Variants in SORCS3 observed in about 807,000 individuals in gnomAD.
SORCS3 encodes sortilin related VPS10 domain containing receptor 3.
In SORCS3, 57 loss-of-function variants were observed where a neutral mutation model predicts 146.3. The ratio of observed to expected loss-of-function variants is 0.39; its 90% CI spans 0.31 to 0.49. The LOEUF (loss-of-function observed/expected upper bound fraction) is 0.49, where lower values mean the gene tolerates loss of function less well. Among genes scored for constraint, SORCS3 ranks in the 20% least tolerant of loss-of-function variants. The probability of loss-of-function intolerance (pLI) is 0.92; values close to 1 mark genes in which losing one functional copy is unlikely to be tolerated. For missense variants in SORCS3, 1,341 were observed against 1,575.5 expected (o/e 0.85, Z 2.52); for synonymous variants, 653 against 618.5 (o/e 1.06, Z -0.83).
chr10:105,043,188 C>A, intron 5 of SORCS3, 60 bp downstream of exon 5: 1 of 1,405,716 alleles, frequency 7.1e-7, no homozygotes, highest in Non-Finnish European at 1.0e-6. Context: ...CAGCGTAGCA[C>A]TCTAGACAGC....
chr10:104,954,788 T>A (rs2019469742), intron 3 of SORCS3, among the ~76,000 whole-genome samples: 2 of 152,164 alleles, frequency 1.3e-5, no homozygotes, highest in African/African-American at 4.8e-5. Context: ...GATTGACTGT[T>A]ATTATTATTT....
At chr10:105,147,924 G>A in intron 9 of SORCS3, 128 bp downstream of exon 9, 1 of 717,348 alleles carries the variant, frequency 1.4e-6, no homozygotes, top group Non-Finnish European at 2.2e-6. Context: ...GTATGACTTT[G>A]GGCAAGGGAC....
chr10:105,125,738 T>C (rs1458053261), intron 7 of SORCS3, among the ~76,000 whole-genome samples: 3 of 143,416 alleles, frequency 2.1e-5, no homozygotes, highest in African/African-American at 8.3e-5. Flanking sequence ...CTGAAGATAC[T>C]GCTTGAAGAA....
chr10:104,956,922 G>A (rs925617479), intron 3 of SORCS3, among the ~76,000 whole-genome samples: 6 of 152,150 alleles, frequency 3.9e-5, no homozygotes, highest in African/African-American at 1.4e-4. Context: ...TAGTGAGTGT[G>A]GCTGGGATCC....
At chr10:105,080,001 A>C (rs546007278) in intron 5 of SORCS3, among the ~76,000 whole-genome samples, 12 of 152,280 alleles carry the variant, frequency 7.9e-5, no homozygotes, top group Admixed American at 2.6e-4. Flanking sequence ...GCTATTGTGA[A>C]TAGTGCTGCA....
chr10:104,919,770 A>G (rs555906622), intron 3 of SORCS3, among the ~76,000 whole-genome samples: 55 of 152,292 alleles, frequency 3.6e-4, no homozygotes, highest in African/African-American at 1.3e-3. Context: ...AAAAAATGAA[A>G]TTGGATTCAT....
intron 2 of SORCS3, among the ~76,000 whole-genome samples, chr10:104,864,932 T>C (rs927398090): frequency 1.3e-5 from 2 of 152,162 alleles, no homozygotes; most frequent in African/African-American, 4.8e-5. Context: ...TCTGGTCTTT[T>C]TTATCTTTTG....
At chr10:104,751,924 CATAT>C (rs71482435) in intron 1 of SORCS3, among the ~76,000 whole-genome samples, 1,442 of 38,102 alleles carry the variant, frequency 0.038, 13 homozygotes, top group Middle Eastern at 0.11. Flanking sequence ...TAATAGGAAG[CATAT>C]ATATATATAT....
chr10:105,063,562 A>C (rs1021947027), intron 5 of SORCS3, among the ~76,000 whole-genome samples: 1 of 152,224 alleles, frequency 6.6e-6, no homozygotes, highest in Admixed American at 6.5e-5. Context: ...CTTGTGAGAT[A>C]AGGTGTGATG....
At chr10:105,246,317 C>T (rs986280250) in intron 21 of SORCS3, among the ~76,000 whole-genome samples, 29 of 151,996 alleles carry the variant, frequency 1.9e-4, no homozygotes, top group Admixed American at 7.9e-4. Flanking sequence ...GTTTTCTTTT[C>T]TTTTCTTTTT....
At chr10:104,781,605 AACAAAACCAC>A (rs1311744996) in intron 1 of SORCS3, among the ~76,000 whole-genome samples, 6 of 152,366 alleles carry the variant, frequency 3.9e-5, no homozygotes, top group African/African-American at 1.4e-4. Flanking sequence ...CTTTTCAAGA[AACAAAACCAC>A]ACAGAACAAA....
intron 13 of SORCS3, among the ~76,000 whole-genome samples, chr10:105,173,231 G>A (rs1251187669): frequency 2.0e-5 from 3 of 152,026 alleles, no homozygotes; most frequent in Non-Finnish European, 4.4e-5. Flanking sequence ...ATAATCGCTT[G>A]AACCCAGGAG....
rs1491120869 is a variant in SORCS3, at chr10:104,696,588, T to TTA, written c.627+54639_627+54640dup. ...ATACGTATATAATATATAATATATA[T>TTA]TATATACGTATATATTATATATAAT... is the stretch of plus-strand genomic sequence containing the variant. On this transcript the variant is annotated intron_variant, in intron 1 of 26. Coordinates refer to ENST00000369701, the MANE Select transcript of SORCS3 (RefSeq NM_014978.3). Among the ~76,000 whole-genome samples, 591 of 95,622 alleles carry TTA rather than the reference T, an allele frequency of 6.2e-3. 74 individuals are homozygous for TTA. Among genetic ancestry groups the TTA allele is most frequent in the Non-Finnish European group, 9.2e-3 (478 of 52,000 alleles). 62.7% of individuals were successfully genotyped at this position (95,622 alleles called of 152,430 possible).
rs148038949 is a variant in SORCS3 at position 105,073,753 on chromosome 10, G to C, written c.1029-16022G>C. Among the ~76,000 whole-genome samples the C allele has an allele frequency of 2.5e-3, 380 of 152,194 alleles. 2 individuals carry two copies. The highest frequency in any genetic ancestry group is 8.6e-3 in the African/African-American group (359 of 41,520). ...GGGAGCTGGTACCTCGGACTGGGTGGGGGTGTGGCATCAGAAAAGAATTAC... is the reference window on the plus strand; with the variant it reads ...GGGAGCTGGTACCTCGGACTGGGTGCGGGTGTGGCATCAGAAAAGAATTAC... On this transcript the variant is annotated intron_variant, in intron 5 of 26. Coordinates refer to ENST00000369701, the MANE Select transcript of SORCS3 (RefSeq NM_014978.3).
chr10:104,652,059 ATGTGTGTGTGTGTGTG>A (rs3069971), intron 1 of SORCS3, among the ~76,000 whole-genome samples: 2 of 148,944 alleles, frequency 1.3e-5, no homozygotes, highest in African/African-American at 4.9e-5. Context: ...TATATTTTAA[ATGTGTGTGTGTGTGTG>A]TGTGTGTGTG....
chr10:105,089,612 CTG>C (rs1226276140), intron 5 of SORCS3, among the ~76,000 whole-genome samples, 161 bp from the exon 6 acceptor site: 1 of 152,244 alleles, frequency 6.6e-6, no homozygotes, highest in Non-Finnish European at 1.5e-5. Flanking sequence ...AGCAGCCACA[CTG>C]TGGGGACTGC....
chr10:105,042,914 C>T, intron 4 of SORCS3, 141 bp from the exon 5 acceptor site: 1 of 690,416 alleles, frequency 1.4e-6, no homozygotes, highest in Non-Finnish European at 2.6e-6. Flanking sequence ...CAGTCATATT[C>T]CTACCTTTTT....
chr10:105,240,960 ATATCTATATC>A (rs2056818909), intron 20 of SORCS3, among the ~76,000 whole-genome samples: 2 of 150,880 alleles, frequency 1.3e-5, no homozygotes, highest in South Asian at 4.2e-4. Context: ...ATATATATAT[ATATCTATATC>A]TATATCTATA....
intron 3 of SORCS3, among the ~76,000 whole-genome samples, chr10:104,969,120 T>G (rs2133641232): frequency 6.6e-6 from 1 of 152,300 alleles, no homozygotes; most frequent in Non-Finnish European, 1.5e-5. Flanking sequence ...TCTGACAAAA[T>G]ATTTGCTCTC....
Sources: allele counts gnomAD v4.1 joint callset (sites outside exome capture counted in the v4.1 genomes callset), GRCh38; gene constraint gnomAD v4.1.1; transcripts MANE v1.5; gene names NCBI Gene and HGNC (gene_info 2026-07-23, HGNC 2026-07-21).